Variants in MAP3K5 observed in about 807,000 individuals in gnomAD.
MAP3K5 encodes ASK-1.
In MAP3K5, 56 loss-of-function variants were observed where a neutral mutation model predicts 158.7. The ratio of observed to expected loss-of-function variants is 0.35; its 90% CI spans 0.28 to 0.44. The LOEUF is 0.44. Ranked by LOEUF, MAP3K5 falls within the 20% of genes least tolerant of loss-of-function variation. The pLI is 1.00. For synonymous variants in MAP3K5, 579 were observed against 601.7 expected (o/e 0.96, Z 0.55); for missense variants, 1,294 against 1,674.8 (o/e 0.77, Z 3.97).
intron 14 of MAP3K5, among the ~76,000 whole-genome samples, chr6:136,635,907 T>A (rs754655430): frequency 2.6e-5 from 4 of 152,042 alleles, no homozygotes; most frequent in Non-Finnish European, 5.9e-5. Context: ...AACAATTTAT[T>A]ATATTAAATT....
At chr6:136,711,947 T>C (rs1293396170) in intron 2 of MAP3K5, among the ~76,000 whole-genome samples, 3 of 152,178 alleles carry the variant, frequency 2.0e-5, no homozygotes, top group Admixed American at 6.5e-5. Flanking sequence ...TTCTCTTGCA[T>C]ATGAACACCT....
At chr6:136,719,073 G>A (rs1781646355) in intron 2 of MAP3K5, among the ~76,000 whole-genome samples, 1 of 152,142 alleles carries the variant, frequency 6.6e-6, no homozygotes, top group South Asian at 2.1e-4. Context: ...CTACTCAGGA[G>A]GCTGAGGAGG....
At chr6:136,773,704 G>GTGGTA (rs1443853250) in intron 1 of MAP3K5, among the ~76,000 whole-genome samples, 30 of 152,252 alleles carry the variant, frequency 2.0e-4, no homozygotes, top group Admixed American at 9.2e-4. Context: ...CTGGAGTGCA[G>GTGGTA]TGGTACGATC....
At position 136,561,525 on chromosome 6, in the gene MAP3K5, T is replaced by C; in HGVS notation, c.3987+8A>G. The stretch of plus-strand genomic sequence containing the variant: ...AAGAATACTTGTCCCACAGACAGTT[T>C]TCTTTACCCGGCTTATAGTGTCTTC... On this transcript the variant is annotated splice_region_variant and intron_variant, in intron 28 of 29. Transcript: ENST00000359015. The C allele has an allele frequency of 1.3e-6, 2 of 1,595,662 alleles. No individual in the cohort carries two copies. Among genetic ancestry groups the C allele is most frequent in the Non-Finnish European group, 1.7e-6 (2 of 1,163,592 alleles).
chr6:136,658,049 TC>T (rs1778828528), intron 9 of MAP3K5, among the ~76,000 whole-genome samples: 1 of 152,180 alleles, frequency 6.6e-6, no homozygotes, highest in African/African-American at 2.4e-5. Flanking sequence ...TTTAGAAAGA[TC>T]CCTGGGGAGG....
intron 26 of MAP3K5, among the ~76,000 whole-genome samples, chr6:136,564,476 T>TAG (rs1302041037): frequency 6.6e-6 from 1 of 152,166 alleles, no homozygotes; most frequent in Non-Finnish European, 1.5e-5. Context: ...GGAGGCTTCT[T>TAG]ATCTCTTTCA....
intron 10 of MAP3K5, among the ~76,000 whole-genome samples, chr6:136,652,570 T>C (rs1381448141): frequency 6.6e-6 from 1 of 152,092 alleles, no homozygotes. Context: ...ATCAAAACAA[T>C]AGAGAATAAA....
chr6:136,597,807 G>A (rs893727228), intron 21 of MAP3K5, among the ~76,000 whole-genome samples: 12 of 152,166 alleles, frequency 7.9e-5, no homozygotes, highest in Non-Finnish European at 1.6e-4. Context: ...CACAGCCATC[G>A]GAATGATCCA....
rs1473202805 is a variant in MAP3K5 at position 136,614,047 on chromosome 6, TTTC to T, written c.2278+109_2278+111del. ...TGGAGGTAATGTCACATGTCCAATT[TTTC>T]TTTCAGTTTAGACAGATTAAGACCT... is the stretch of plus-strand genomic sequence containing the variant. On this transcript the variant is annotated intron_variant, in intron 16 of 29. Transcript: ENST00000359015. 1.1e-5 allele frequency: 13 copies of T among 1,178,582 alleles called. No homozygotes were observed. The African/African-American group carries it at 1.7e-4, about 15-fold the overall frequency. The allele number at this position is 1,178,582 out of a possible 1,614,324, so 73.0% of individuals were successfully genotyped here.
In MAP3K5 at chr6:136,705,073, A is replaced by C. The variant is rs549998521; in HGVS notation, c.612+37T>G. 1.3e-5 allele frequency: 13 copies of C among 1,032,328 alleles called. No individual in the cohort carries two copies. The African/African-American group carries it at 1.9e-4, about 15-fold the overall frequency. The allele number at this position is 1,032,328 out of a possible 1,614,324, so 63.9% of individuals were successfully genotyped here. A position where few individuals can be genotyped will look rare whatever the true frequency, so the allele number is the denominator to read the frequency against. On this transcript the variant is annotated intron_variant, in intron 3 of 29. Coordinates refer to ENST00000359015, the MANE Select transcript of MAP3K5 (RefSeq NM_005923.4). ...AAGATTAGTTAATGGAAAAGAAAAT[A>C]TTTTTAAAACTCTGGAAGGTTAAAT...
chr6:136,791,695 G>C lies in MAP3K5; in HGVS notation c.448+15C>G. 6.2e-7 allele frequency: 1 copy of C among 1,612,576 alleles called. No homozygotes were observed. The highest frequency in any genetic ancestry group is 1.1e-5 in the South Asian group (1 of 91,072). On this transcript the variant is annotated intron_variant, in intron 1 of 29. Transcript: ENST00000359015. Reference sequence around the variant, plus strand: ...GTCCCGACCGCGCGGGATGGGAAAGGGGTCACACACGCACCTGCATTGTAA... The same window carrying C: ...GTCCCGACCGCGCGGGATGGGAAAGCGGTCACACACGCACCTGCATTGTAA...
intron 1 of MAP3K5, among the ~76,000 whole-genome samples, chr6:136,745,761 C>T (rs1457868105): frequency 6.6e-6 from 1 of 152,172 alleles, no homozygotes; most frequent in Non-Finnish European, 1.5e-5. Context: ...AAAGAGCTCA[C>T]ATCTGTATCT....
intron 11 of MAP3K5, among the ~76,000 whole-genome samples, chr6:136,645,181 C>T (rs1481821509): frequency 2.0e-5 from 3 of 152,190 alleles, no homozygotes; most frequent in African/African-American, 7.2e-5. Flanking sequence ...AATCCTCCTG[C>T]TCTGGCCTCC....
chr6:136,731,639 T>C (rs1057456996), intron 1 of MAP3K5, among the ~76,000 whole-genome samples: 13 of 152,230 alleles, frequency 8.5e-5, no homozygotes, highest in Admixed American at 7.2e-4. Flanking sequence ...AGTTCTGACA[T>C]AGATATTAGG....
intron 1 of MAP3K5, among the ~76,000 whole-genome samples, chr6:136,730,153 GT>G (rs60058823): frequency 0.4 from 53,026 of 133,296 alleles, 9,553 homozygotes; most frequent in South Asian, 0.49. Flanking sequence ...TTGTTTGGTT[GT>G]TTTTTTTTTT....
chr6:136,772,381 C>T (rs1210977353), intron 1 of MAP3K5, among the ~76,000 whole-genome samples: 1 of 152,070 alleles, frequency 6.6e-6, no homozygotes, highest in Non-Finnish European at 1.5e-5. Context: ...TCAGAAACAG[C>T]AGTCAATACT....
At chr6:136,767,107 T>G (rs558725612) in intron 1 of MAP3K5, among the ~76,000 whole-genome samples, 1 of 152,218 alleles carries the variant, frequency 6.6e-6, no homozygotes, top group African/African-American at 2.4e-5. Flanking sequence ...GACAAGTTTA[T>G]CTCTATAATA....
chr6:136,568,723 A>G (rs1342565314), intron 25 of MAP3K5, among the ~76,000 whole-genome samples: 1 of 151,904 alleles, frequency 6.6e-6, no homozygotes, highest in Non-Finnish European at 1.5e-5. Flanking sequence ...AAATACAAAA[A>G]TTAGCCGGAC....
chr6:136,698,343 T>G, intron 4 of MAP3K5, 146 bp downstream of exon 4: 3 of 663,470 alleles, frequency 4.5e-6, no homozygotes, highest in Non-Finnish European at 2.5e-6. Context: ...GGCATCTATT[T>G]TATCTACTTG....
Sources: allele counts gnomAD v4.1 joint callset (sites outside exome capture counted in the v4.1 genomes callset), GRCh38; gene constraint gnomAD v4.1.1; transcripts MANE v1.5; gene names NCBI Gene and HGNC (gene_info 2026-07-23, HGNC 2026-07-21).